KIF13A: variants seen among roughly 807,000 people sequenced by gnomAD.
KIF13A encodes kinesin family member 13A, also known as kinesin-like protein KIF13A.
In KIF13A, 79 loss-of-function variants were observed where a neutral mutation model predicts 212.2. The ratio of observed to expected loss-of-function variants is 0.37; its 90% confidence interval spans 0.31 to 0.45. The LOEUF is 0.45. KIF13A is among the 20% of genes least tolerant of loss of function. The pLI is 1.00. For synonymous variants in KIF13A, 789 were observed against 808.6 expected (o/e 0.98, Z 0.41); for missense variants, 1,901 against 2,209.0 (o/e 0.86, Z 2.79).
At chr6:17,818,505 A>G (rs1030651102) in intron 16 of KIF13A, among the ~76,000 whole-genome samples, 1 of 152,194 alleles carries the variant, frequency 6.6e-6, no homozygotes, top group Non-Finnish European at 1.5e-5. Flanking sequence ...AAAAGAATCA[A>G]TTTTTTTAAA....
At chr6:17,858,140 T>A (rs74993181) in intron 4 of KIF13A, among the ~76,000 whole-genome samples, 4,324 of 142,990 alleles carry the variant, frequency 0.03, 70 homozygotes, top group Non-Finnish European at 0.043. Flanking sequence ...TGTGTGTGTG[T>A]GAGAGAGAGA....
chr6:17,940,072 T>G (rs1365802871), intron 2 of KIF13A, among the ~76,000 whole-genome samples: 1 of 124,548 alleles, frequency 8.0e-6, no homozygotes, highest in East Asian at 2.5e-4. Context: ...AAAAAGATAG[T>G]CTCACCCACC....
Position 17,963,815 on chromosome 6 carries a change from A to G in KIF13A, c.146+23239T>C, listed in dbSNP as rs1179583881. ...TGTGATCCGCCCACCTCAGCCTCCC[A>G]AAGTGTTGGGATTACGGGCGTGAGC... On this transcript the variant is annotated intron_variant, in intron 2 of 38. Transcript: ENST00000259711. The surrounding 1 kb of genome is among the most constrained non-coding windows in gnomAD (Gnocchi z 4.1). Among the ~76,000 whole-genome samples, 3 of 152,208 alleles carry G rather than the reference A, an allele frequency of 2.0e-5. No individual in the cohort carries two copies. Among genetic ancestry groups the G allele is most frequent in the Non-Finnish European group, 4.4e-5 (3 of 68,040 alleles).
Position 17,961,305 on chromosome 6 carries a change from G to A in KIF13A, c.146+25749C>T, listed in dbSNP as rs1341861650. Among the ~76,000 whole-genome samples the A allele has an allele frequency of 6.6e-6, 1 of 152,212 alleles. No individual in the cohort carries two copies. The highest frequency in any genetic ancestry group is 1.5e-5 in the Non-Finnish European group (1 of 68,042). On this transcript the variant is annotated intron_variant, in intron 2 of 38. Transcript: ENST00000259711. This position sits in a 1 kb window ranked among gnomAD's most constrained non-coding sequence, Gnocchi z 4.1. ...GTAAGGGGACCTGGAAAGGAGCTGG[G>A]ATTCCAAAGGTGGAAGGTAGCAACT... is the stretch of plus-strand genomic sequence containing the variant.
rs575782974 is a variant in KIF13A, at chr6:17,817,023, T to C, written c.1997A>G (p.Glu666Gly). 1.9e-6 allele frequency: 3 copies of C among 1,609,928 alleles called. No homozygotes were observed. Among genetic ancestry groups the C allele is most frequent in the Non-Finnish European group, 2.5e-6 (3 of 1,178,904 alleles). Reference protein sequence around the residue: ...AQQKVTQWAEERDELFRQSLA... With the variant: ...AQQKVTQWAEGRDELFRQSLA... Reference sequence around the variant, plus strand: ...CTGCCCCCGCTGCAGTTCTTACCTCTCTTCTGCCCACTGGGTCACCTTCTG... The same window carrying C: ...CTGCCCCCGCTGCAGTTCTTACCTCCCTTCTGCCCACTGGGTCACCTTCTG... The change falls in exon 17 of 39, where the codon GAG (glutamate) becomes GGG (glycine). Residue 666 changes from glutamate (E) to glycine (G), a missense_variant. Glu to Gly is a moderately conservative substitution (Grantham distance 98). Around this residue, in one of 5 missense-constraint regions of KIF13A, gnomAD observed 534 missense variants for 536.9 expected, o/e 0.99. Transcript: ENST00000259711.
chr6:17,907,164 C>T (rs1773584708), intron 2 of KIF13A, among the ~76,000 whole-genome samples: 1 of 152,092 alleles, frequency 6.6e-6, no homozygotes, highest in East Asian at 1.9e-4. Context: ...TTTAATGACC[C>T]TATACATAAA....
chr6:17,881,921 G>C (rs1226876008), intron 3 of KIF13A: 1 of 430,044 alleles, frequency 2.3e-6, no homozygotes, highest in Non-Finnish European at 4.7e-6. Flanking sequence ...GCTTGAACCC[G>C]GGAGACTGAG....
rs116954431 is a variant in KIF13A at position 17,906,665 on chromosome 6, G to A, written c.147-8485C>T. 2.6e-5 allele frequency among the ~76,000 whole-genome samples: 4 copies of A among 152,060 alleles called. No homozygotes were observed. The East Asian group carries it at 7.7e-4, about 29-fold the overall frequency. On this transcript the variant is annotated intron_variant, in intron 2 of 38. Coordinates refer to ENST00000259711, the MANE Select transcript of KIF13A (RefSeq NM_022113.6). ...GGGTCTTGGCATATTGTCCAGGCTG[G>A]TCTCGAACTTCTGGGCTCAAGCAAT...
At chr6:17,812,824 A>G (rs1004071781) in intron 17 of KIF13A, among the ~76,000 whole-genome samples, 1 of 152,154 alleles carries the variant, frequency 6.6e-6, no homozygotes, top group South Asian at 2.1e-4. Flanking sequence ...TTTTCTTCGC[A>G]ACTTTGCCAG....
In KIF13A at chr6:17,892,053, C is replaced by T. The variant is rs963174256; in HGVS notation, c.159+6115G>A. ...CTTTGTAAGGCAGAGTCGGCAAATT[C>T]GTATCACCTGCTAAGCATCCTATCA... On this transcript the variant is annotated intron_variant, in intron 3 of 38. Transcript: ENST00000259711. This position sits in a 1 kb window ranked among gnomAD's most constrained non-coding sequence, Gnocchi z 4.7. Among the ~76,000 whole-genome samples the T allele has an allele frequency of 1.3e-5, 2 of 152,178 alleles. No individual in the cohort carries two copies. Among genetic ancestry groups the T allele is most frequent in the East Asian group, 1.9e-4 (1 of 5,188 alleles).
chr6:17,986,915 C>T (rs1258973877), intron 2 of KIF13A, 139 bp downstream of exon 2: 2 of 601,016 alleles, frequency 3.3e-6, no homozygotes, highest in South Asian at 4.0e-5. Context: ...GGACTTGCAA[C>T]AGCTTCAAAC....
At chr6:17,978,446 A>G (rs973427279) in intron 2 of KIF13A, among the ~76,000 whole-genome samples, 59 of 152,202 alleles carry the variant, frequency 3.9e-4, no homozygotes, top group African/African-American at 1.3e-3. Context: ...ACCTGTTTTC[A>G]TCTAAATTTT....
rs909889481 is a variant in KIF13A, at chr6:17,829,413, T to C, written c.1402-1043A>G. ...AGTAGTTTTGACCTCACAGGCCTCA[T>C]GAAAGGTTCTCAGAGACCCCAGATC... is the stretch of plus-strand genomic sequence containing the variant. On this transcript the variant is annotated intron_variant, in intron 13 of 38. Coordinates refer to ENST00000259711, the MANE Select transcript of KIF13A (RefSeq NM_022113.6). This position sits in a 1 kb window ranked among gnomAD's most constrained non-coding sequence, Gnocchi z 5.4. 1.3e-5 allele frequency among the ~76,000 whole-genome samples: 2 copies of C among 152,196 alleles called. No individual in the cohort carries two copies. The highest frequency in any genetic ancestry group is 2.9e-5 in the Non-Finnish European group (2 of 68,036).
At position 17,849,307 on chromosome 6, in the gene KIF13A, G is replaced by T; in HGVS notation, c.830+70C>A. ...AACAACCTGTACATCAGAACCATCT[G>T]ACCCTCATAATGCAACAAATCCCCT... On this transcript the variant is annotated intron_variant, in intron 9 of 38. Transcript: ENST00000259711. The surrounding 1 kb of genome is among the most constrained non-coding windows in gnomAD (Gnocchi z 5.7). 3 of 1,070,988 alleles carry T rather than the reference G, an allele frequency of 2.8e-6. No individual in the cohort carries two copies. Among genetic ancestry groups the T allele is most frequent in the South Asian group, 1.4e-5 (1 of 70,658 alleles). The allele number at this position is 1,070,988 out of a possible 1,614,324, so 66.3% of individuals were successfully genotyped here. A position where few individuals can be genotyped will look rare whatever the true frequency, so the allele number is the denominator to read the frequency against.
chr6:17,788,504 G>A (rs935954608), intron 26 of KIF13A, among the ~76,000 whole-genome samples: 11 of 152,138 alleles, frequency 7.2e-5, no homozygotes, highest in Middle Eastern at 3.2e-3. Context: ...GCCAGGAAGC[G>A]CACAAACAGC....
At position 17,816,902 on chromosome 6, in the gene KIF13A, A is replaced by G; in HGVS notation, c.2000+118T>C. 1.4e-6 allele frequency: 1 copy of G among 712,268 alleles called. No homozygotes were observed. The highest frequency in any genetic ancestry group is 2.9e-5 in the Admixed American group (1 of 34,506). 44.1% of individuals were successfully genotyped at this position (712,268 alleles called of 1,614,324 possible). A position where few individuals can be genotyped will look rare whatever the true frequency, so the allele number is the denominator to read the frequency against. ...GAAAAGCTAATTGGCAATATCACGT[A>G]TGGGATTAAGAGTTCTCTTGTTGCT... On this transcript the variant is annotated intron_variant, in intron 17 of 38. Coordinates refer to ENST00000259711, the MANE Select transcript of KIF13A (RefSeq NM_022113.6). The surrounding 1 kb of genome is among the most constrained non-coding windows in gnomAD (Gnocchi z 4.3).
rs767655547 is a variant in KIF13A at position 17,839,589 on chromosome 6, C to A, written c.831-2006G>T. 8.5e-5 allele frequency among the ~76,000 whole-genome samples: 13 copies of A among 152,150 alleles called. No individual in the cohort carries two copies. Among genetic ancestry groups the A allele is most frequent in the Non-Finnish European group, 1.3e-4 (9 of 68,038 alleles). ...GTCCTGGGTTGAACAGTATTCATGT[C>A]CGCCAGACCCTCAGAATGTGACCCT... On this transcript the variant is annotated intron_variant, in intron 9 of 38. Transcript: ENST00000259711. The surrounding 1 kb of genome is among the most constrained non-coding windows in gnomAD (Gnocchi z 4.3).
intron 4 of KIF13A, among the ~76,000 whole-genome samples, chr6:17,858,863 C>A (rs1439883442): frequency 6.6e-6 from 1 of 152,094 alleles, no homozygotes; most frequent in African/African-American, 2.4e-5. Context: ...AGCATCCTGA[C>A]CATAATTCAT....
At chr6:17,962,369 T>C (rs1778894390) in intron 2 of KIF13A, among the ~76,000 whole-genome samples, 1 of 151,360 alleles carries the variant, frequency 6.6e-6, no homozygotes, top group South Asian at 2.1e-4. Flanking sequence ...GAAATGTCCA[T>C]AAAAGGTCAA....
Sources: allele counts gnomAD v4.1 joint callset (sites outside exome capture counted in the v4.1 genomes callset), GRCh38; gene constraint gnomAD v4.1.1; regional missense constraint gnomAD v4.1.1; non-coding constraint Gnocchi (gnomAD v3.1); transcripts MANE v1.5; gene names NCBI Gene and HGNC (gene_info 2026-07-23, HGNC 2026-07-21).